CSNK1G3: variants seen among roughly 807,000 people sequenced by gnomAD.
The protein encoded by CSNK1G3 is casein kinase 1 gamma 3.
CSNK1G3 carries 23 observed loss-of-function variants against 64.3 expected under a neutral mutation model. That is an observed-to-expected ratio of 0.36 (90% CI 0.26 to 0.51). CSNK1G3 has a LOEUF of 0.51. Among genes scored for constraint, CSNK1G3 ranks in the 20% least tolerant of loss-of-function variants. The pLI, the probability that CSNK1G3 is intolerant of heterozygous loss-of-function variation, is 0.96. For synonymous variants in CSNK1G3, 158 were observed against 162.2 expected, an observed-to-expected ratio of 0.97 and a Z score of 0.20; for missense variants, 357 against 510.5, an observed-to-expected ratio of 0.70 and a Z score of 2.90.
intron 1 of CSNK1G3, among the ~76,000 whole-genome samples, chr5:123,514,172 CAGAA>C (rs1160403681): frequency 3.3e-5 from 5 of 152,226 alleles, no homozygotes; most frequent in Middle Eastern, 3.4e-3. Flanking sequence ...AAATGGGAGA[CAGAA>C]AGGTTAATTT....
At chr5:123,559,402 CT>C (rs1460369770) in intron 4 of CSNK1G3, among the ~76,000 whole-genome samples, 1 of 152,078 alleles carries the variant, frequency 6.6e-6, no homozygotes, top group Non-Finnish European at 1.5e-5. Context: ...ATTATTTTAA[CT>C]TTTTTCTGTT....
chr5:123,574,134 C>T (rs1318045956), intron 5 of CSNK1G3, among the ~76,000 whole-genome samples: 1 of 152,136 alleles, frequency 6.6e-6, no homozygotes, highest in African/African-American at 2.4e-5. Flanking sequence ...CAGGCGTGAG[C>T]CACCGTGCCG....
chr5:123,594,509 T>C (rs1793048009), intron 10 of CSNK1G3, among the ~76,000 whole-genome samples: 1 of 152,216 alleles, frequency 6.6e-6, no homozygotes, highest in Non-Finnish European at 1.5e-5. Flanking sequence ...AGAACTTTTC[T>C]GTTTTCTCAT....
intron 10 of CSNK1G3, among the ~76,000 whole-genome samples, chr5:123,592,354 A>G (rs966072946): frequency 2.0e-5 from 3 of 152,032 alleles, no homozygotes; most frequent in African/African-American, 7.2e-5. Flanking sequence ...TCAGTCTGAG[A>G]TAAGGCATAG....
At chr5:123,526,866 GTGTGTGTGTGTGTGTA>G (rs1216123148) in intron 1 of CSNK1G3, among the ~76,000 whole-genome samples, 15 of 124,182 alleles carry the variant, frequency 1.2e-4, no homozygotes, top group African/African-American at 4.6e-4. Flanking sequence ...GTGTGTGTGT[GTGTGTGTGTGTGTGTA>G]TGAACATAAT....
chr5:123,587,112 A>G (rs1327083615), intron 6 of CSNK1G3, among the ~76,000 whole-genome samples: 3 of 152,218 alleles, frequency 2.0e-5, no homozygotes, highest in Non-Finnish European at 2.9e-5. Flanking sequence ...AACACAACCA[A>G]ACCATATCAA....
chr5:123,535,513 A>G (rs966453560), intron 1 of CSNK1G3, among the ~76,000 whole-genome samples: 7 of 152,138 alleles, frequency 4.6e-5, no homozygotes, highest in Non-Finnish European at 8.8e-5. Context: ...TAAGACTCTT[A>G]CTAAGAAAAT....
chr5:123,516,341 G>A (rs1260851704), intron 1 of CSNK1G3, among the ~76,000 whole-genome samples: 2 of 152,158 alleles, frequency 1.3e-5, no homozygotes, highest in Non-Finnish European at 2.9e-5. Flanking sequence ...ATTTTCAAGG[G>A]CATCTGAACT....
At chr5:123,586,841 G>T (rs1791415289) in intron 6 of CSNK1G3, among the ~76,000 whole-genome samples, 1 of 152,180 alleles carries the variant, frequency 6.6e-6, no homozygotes, top group South Asian at 2.1e-4. Flanking sequence ...AAAGAAAGAG[G>T]TTTAATGGAC....
chr5:123,531,679 G>A (rs1458664845), intron 1 of CSNK1G3, among the ~76,000 whole-genome samples: 1 of 151,884 alleles, frequency 6.6e-6, no homozygotes, highest in East Asian at 1.9e-4. Context: ...CAATAAGTTA[G>A]TAAACTGAGA....
At chr5:123,548,336 A>G (rs1359512537) in intron 2 of CSNK1G3, among the ~76,000 whole-genome samples, 5 of 151,708 alleles carry the variant, frequency 3.3e-5, no homozygotes, top group African/African-American at 9.7e-5. Context: ...GTGTATGCCT[A>G]TAGTCCTAGT....
intron 1 of CSNK1G3, among the ~76,000 whole-genome samples, chr5:123,539,456 G>A (rs922220800): frequency 4.5e-5 from 6 of 133,598 alleles, no homozygotes; most frequent in African/African-American, 2.9e-5. Flanking sequence ...AAAAAAAAAA[G>A]ATTATCCCTG....
chr5:123,613,017 G>C (rs1023173289), intron 12 of CSNK1G3, among the ~76,000 whole-genome samples: 1 of 152,082 alleles, frequency 6.6e-6, no homozygotes, highest in Non-Finnish European at 1.5e-5. Context: ...ACCTTAGGAA[G>C]GGGTTGACTG....
chr5:123,584,160 A>G (rs1790875531), intron 6 of CSNK1G3, among the ~76,000 whole-genome samples: 1 of 152,150 alleles, frequency 6.6e-6, no homozygotes, highest in South Asian at 2.1e-4. Context: ...ATATCTGTTA[A>G]TTTTGTTTCT....
exon 13 of CSNK1G3, chr5:123,614,492 G>C: frequency 9.5e-7 from 1 of 1,048,700 alleles, no homozygotes; most frequent in Non-Finnish European, 1.3e-6. Flanking sequence ...TATTTTCAAG[G>C]ACTCACTCTT....
At chr5:123,536,482 C>A (rs1580972664) in intron 1 of CSNK1G3, among the ~76,000 whole-genome samples, 1 of 133,176 alleles carries the variant, frequency 7.5e-6, no homozygotes, top group South Asian at 2.3e-4. Flanking sequence ...GGAATTAGTT[C>A]TAGTTTTCCA....
intron 12 of CSNK1G3, among the ~76,000 whole-genome samples, chr5:123,607,200 T>A (rs1168602235): frequency 1.3e-5 from 2 of 152,184 alleles, no homozygotes; most frequent in African/African-American, 4.8e-5. Flanking sequence ...TTCTCATACC[T>A]GTCATAGTCT....
intron 10 of CSNK1G3, among the ~76,000 whole-genome samples, chr5:123,596,937 C>T (rs1397871992): frequency 6.6e-6 from 1 of 152,056 alleles, no homozygotes; most frequent in Non-Finnish European, 1.5e-5. Context: ...TAATTTATGT[C>T]CTATACACTT....
At chr5:123,534,579 T>C (rs923931823) in intron 1 of CSNK1G3, among the ~76,000 whole-genome samples, 3 of 152,142 alleles carry the variant, frequency 2.0e-5, no homozygotes, top group South Asian at 2.1e-4. Context: ...CTAGAAACTC[T>C]AGGCAACCTC....
Sources: allele counts gnomAD v4.1 joint callset (sites outside exome capture counted in the v4.1 genomes callset), GRCh38; gene constraint gnomAD v4.1.1; transcripts MANE v1.5; gene names NCBI Gene and HGNC (gene_info 2026-07-23, HGNC 2026-07-21).